Variants in CTNNA2 observed in about 807,000 individuals in gnomAD.
CTNNA2 encodes the protein catenin alpha-2.
In CTNNA2, 42 loss-of-function variants were observed where a neutral mutation model predicts 101.0. The observed-to-expected ratio is 0.42, with a 90% CI of 0.32 to 0.54. CTNNA2 has a LOEUF of 0.54. Among genes scored for constraint, CTNNA2 ranks in the 20% least tolerant of loss-of-function variants. The probability of loss-of-function intolerance (pLI) is 0.14; values close to 1 mark genes in which losing one functional copy is unlikely to be tolerated. For missense variants in CTNNA2, 871 were observed against 1,223.1 expected, an observed-to-expected ratio of 0.71 and a Z score of 4.29; for synonymous variants, 450 against 456.4, an observed-to-expected ratio of 0.99 and a Z score of 0.18.
At chr2:80,532,757 G>A (rs987054181) in intron 9 of CTNNA2, among the ~76,000 whole-genome samples, 2 of 152,070 alleles carry the variant, frequency 1.3e-5, no homozygotes, top group Non-Finnish European at 2.9e-5. Context: ...TTTAAAGCTC[G>A]AAAGGGCTCA....
intron 7 of CTNNA2, among the ~76,000 whole-genome samples, chr2:80,025,932 C>T (rs1050385607): frequency 1.3e-5 from 2 of 152,174 alleles, no homozygotes; most frequent in Non-Finnish European, 2.9e-5. Flanking sequence ...CTGGAGCTTA[C>T]ATGCAAGTAG....
intron 4 of CTNNA2, among the ~76,000 whole-genome samples, chr2:79,863,512 G>A (rs532644816): frequency 6.6e-6 from 1 of 152,240 alleles, no homozygotes; most frequent in Non-Finnish European, 1.5e-5. Flanking sequence ...GAAAGAGTTG[G>A]CCCCATCACA....
chr2:79,939,882 C>T (rs146852144), intron 7 of CTNNA2, among the ~76,000 whole-genome samples: 2 of 152,166 alleles, frequency 1.3e-5, no homozygotes, highest in African/African-American at 4.8e-5. Context: ...CACCTGACGT[C>T]GGGAGTTCGA....
At chr2:80,379,226 T>C (rs1676278193) in intron 7 of CTNNA2, among the ~76,000 whole-genome samples, 1 of 152,152 alleles carries the variant, frequency 6.6e-6, no homozygotes, top group African/African-American at 2.4e-5. Flanking sequence ...CTTGCAAAAG[T>C]TTCTTAAGCT....
chr2:79,416,759 A>G (rs939396812), intron 4 of CTNNA2, among the ~76,000 whole-genome samples: 3 of 152,102 alleles, frequency 2.0e-5, no homozygotes, highest in African/African-American at 7.2e-5. Context: ...AAGAGGTTAC[A>G]AGACAGAGAA....
intron 4 of CTNNA2, among the ~76,000 whole-genome samples, chr2:79,419,952 T>C (rs796264495): frequency 9.8e-5 from 15 of 152,306 alleles, no homozygotes; most frequent in African/African-American, 3.6e-4. Flanking sequence ...ATCTCCAGCA[T>C]GTTGCAGCTT....
intron 2 of CTNNA2, among the ~76,000 whole-genome samples, chr2:79,299,533 CCGG>C (rs1676059327): frequency 6.6e-6 from 1 of 152,162 alleles, no homozygotes; most frequent in Non-Finnish European, 1.5e-5. Context: ...CTCTGCCAAA[CCGG>C]TGATGGGAGA....
intron 7 of CTNNA2, among the ~76,000 whole-genome samples, chr2:80,017,782 C>T (rs1369086451): frequency 5.9e-5 from 9 of 152,088 alleles, no homozygotes; most frequent in Middle Eastern, 3.2e-3. Context: ...AATAGCGCTT[C>T]TGGTTTAACT....
intron 2 of CTNNA2, among the ~76,000 whole-genome samples, chr2:79,734,523 C>A (rs1687393037): frequency 6.6e-6 from 1 of 151,804 alleles, no homozygotes; most frequent in East Asian, 1.9e-4. Flanking sequence ...AAATGTATAC[C>A]TTAGAATTAA....
chr2:80,457,677 A>G (rs746108581), intron 9 of CTNNA2, among the ~76,000 whole-genome samples: 6 of 152,088 alleles, frequency 3.9e-5, no homozygotes, highest in Admixed American at 1.3e-4. Context: ...TAGAGTAAAC[A>G]CTATATTGAG....
At chr2:79,247,163 G>A (rs1391035433) in intron 2 of CTNNA2, among the ~76,000 whole-genome samples, 1 of 152,184 alleles carries the variant, frequency 6.6e-6, no homozygotes, top group Non-Finnish European at 1.5e-5. Flanking sequence ...TAAGACCCCA[G>A]TGTGATCTCC....
intron 7 of CTNNA2, among the ~76,000 whole-genome samples, chr2:80,018,506 G>C (rs369570175): frequency 6.6e-6 from 1 of 152,118 alleles, no homozygotes; most frequent in African/African-American, 2.4e-5. Flanking sequence ...GCCGGGCACC[G>C]TGGCTCATGC....
chr2:80,320,103 A>G (rs1678531367), intron 7 of CTNNA2, among the ~76,000 whole-genome samples: 1 of 152,272 alleles, frequency 6.6e-6, no homozygotes, highest in South Asian at 2.1e-4. Context: ...CAATAAATGT[A>G]AAGTTACTGT....
chr2:79,314,401 G>A lies in CTNNA2; in HGVS notation c.-318+1605G>A, dbSNP rs578191273. Among the ~76,000 whole-genome samples, 8 of 152,318 alleles carry A rather than the reference G, an allele frequency of 5.3e-5. No homozygotes were observed. The East Asian group carries it at 1.5e-3, about 29-fold the overall frequency. On this transcript the variant is annotated intron_variant, in intron 3 of 21. Coordinates refer to the CTNNA2 transcript ENST00000466387. The stretch of plus-strand genomic sequence containing the variant: ...TATTTTAGGTCCATGGTATCTGGAG[G>A]CTAATGTAAACAACCTCTCAGGAAG...
chr2:80,053,076 T>C (rs1305868333), intron 7 of CTNNA2, among the ~76,000 whole-genome samples: 1 of 152,202 alleles, frequency 6.6e-6, no homozygotes, highest in African/African-American at 2.4e-5. Context: ...AAGTTTTAAT[T>C]TCAGTATTTT....
At chr2:79,751,163 G>A (rs1467639745) in intron 3 of CTNNA2, among the ~76,000 whole-genome samples, 1 of 152,140 alleles carries the variant, frequency 6.6e-6, no homozygotes, top group Non-Finnish European at 1.5e-5. Context: ...GACAAGAATT[G>A]CAGGTTTAAG....
At chr2:79,913,333 A>G (rs920248504) in intron 7 of CTNNA2, among the ~76,000 whole-genome samples, 1 of 152,188 alleles carries the variant, frequency 6.6e-6, no homozygotes, top group African/African-American at 2.4e-5. Context: ...CTTGCTGTGA[A>G]TGGGTGCCTG....
At chr2:80,146,636 C>A (rs1468157721) in intron 7 of CTNNA2, among the ~76,000 whole-genome samples, 1 of 149,898 alleles carries the variant, frequency 6.7e-6, no homozygotes. Flanking sequence ...AACTGGTTAA[C>A]CAAGAAGATT....
chr2:79,833,177 G>A (rs534391896), intron 3 of CTNNA2, among the ~76,000 whole-genome samples: 1 of 152,274 alleles, frequency 6.6e-6, no homozygotes, highest in South Asian at 2.1e-4. Flanking sequence ...CTAAACCTGA[G>A]TTTGGAATCC....
Sources: allele counts gnomAD v4.1 joint callset (sites outside exome capture counted in the v4.1 genomes callset), GRCh38; gene constraint gnomAD v4.1.1; transcripts MANE v1.5; gene names NCBI Gene and HGNC (gene_info 2026-07-23, HGNC 2026-07-21).